PARD3: variants seen among roughly 807,000 people sequenced by gnomAD.
PARD3 encodes the protein par-3 family cell polarity regulator, also known as partitioning defective 3 homolog.
In PARD3, 75 loss-of-function variants were observed where a neutral mutation model predicts 155.4. The observed-to-expected ratio is 0.48, with a 90% CI of 0.40 to 0.58. PARD3 has a LOEUF of 0.58. Ranked by LOEUF, PARD3 falls within the 20% of genes least tolerant of loss-of-function variation. The pLI, the probability that PARD3 is intolerant of heterozygous loss-of-function variation, is 0.00. For missense variants in PARD3, 1,642 were observed against 1,721.7 expected, an observed-to-expected ratio of 0.95 and a Z score of 0.82; for synonymous variants, 576 against 610.5, an observed-to-expected ratio of 0.94 and a Z score of 0.83.
At chr10:34,467,041 C>T (rs2078051005) in intron 4 of PARD3, among the ~76,000 whole-genome samples, 1 of 151,976 alleles carries the variant, frequency 6.6e-6, no homozygotes. Context: ...CATCTGGTTA[C>T]ATTAAATACT....
At chr10:34,388,377 C>T (rs1021930275) in intron 7 of PARD3, among the ~76,000 whole-genome samples, 1 of 152,020 alleles carries the variant, frequency 6.6e-6, no homozygotes, top group Admixed American at 6.6e-5. Context: ...ACAAGAAAAT[C>T]CAACTGATAA....
At position 34,382,651 on chromosome 10, in the gene PARD3, T is replaced by G. The variant is rs907580186; in HGVS notation, c.1288A>C (p.Lys430Gln). ...RLPHSAHPSGKPPSAPASAPQ... is the reference protein window; with the variant it reads ...RLPHSAHPSGQPPSAPASAPQ... Reference sequence around the variant, plus strand: ...GCCGAGGCTGGAGCGGATGGTGGTTTTCCCGAGGGGTGTGCGCTATGAGGT... The same window carrying G: ...GCCGAGGCTGGAGCGGATGGTGGTTGTCCCGAGGGGTGTGCGCTATGAGGT... Residue 430 changes from lysine (K) to glutamine (Q), a missense_variant, in exon 9 of 25, where the codon AAA becomes CAA. Transcript: ENST00000374788. The G allele has an allele frequency of 1.2e-6, 2 of 1,614,016 alleles. No individual in the cohort carries two copies. The highest frequency in any genetic ancestry group is 1.7e-6 in the Non-Finnish European group (2 of 1,180,046).
intron 22 of PARD3, among the ~76,000 whole-genome samples, chr10:34,136,827 T>A (rs1464852358): frequency 6.6e-6 from 1 of 152,226 alleles, no homozygotes; most frequent in Non-Finnish European, 1.5e-5. Context: ...TTCCTTTCAG[T>A]TCACCTGTAA....
rs1354411921 is a variant in PARD3, at chr10:34,405,073, AACACAAACACACACACACAC to A, written c.715-3176_715-3157del. Among the ~76,000 whole-genome samples, 269 of 136,232 alleles carry A rather than the reference AACACAAACACACACACACAC, an allele frequency of 2.0e-3. 1 individual carries two copies. The highest frequency in any genetic ancestry group is 7.2e-3 in the African/African-American group (235 of 32,742). 89.4% of individuals were successfully genotyped at this position (136,232 alleles called of 152,430 possible). ...GGTGACAGAGTGAGACCCCATCACA[AACACAAACACACACACACAC>A]ACACACACACACACACACACACACT... On this transcript the variant is annotated intron_variant, in intron 5 of 24. Transcript: ENST00000374788.
intron 7 of PARD3, among the ~76,000 whole-genome samples, chr10:34,392,614 T>C (rs1171177057): frequency 6.6e-6 from 1 of 152,190 alleles, no homozygotes; most frequent in Non-Finnish European, 1.5e-5. Flanking sequence ...AGTCTTATGA[T>C]TGACAAGTAG....
At chr10:34,344,523 C>T (rs1837197726) in intron 15 of PARD3, 21 of 877,424 alleles carry the variant, frequency 2.4e-5, no homozygotes, top group Non-Finnish European at 2.5e-5. Context: ...CTCAGTTGAT[C>T]CACCTGCCTG....
At chr10:34,701,371 G>GTTA (rs1355049109) in intron 1 of PARD3, among the ~76,000 whole-genome samples, 1 of 150,170 alleles carries the variant, frequency 6.7e-6, no homozygotes, top group Non-Finnish European at 1.5e-5. Flanking sequence ...TGTTGTTGTT[G>GTTA]TTGTTTCCAA....
chr10:34,131,298 A>G (rs1268643093), intron 23 of PARD3, among the ~76,000 whole-genome samples, 165 bp downstream of exon 23: 1 of 152,234 alleles, frequency 6.6e-6, no homozygotes. Context: ...GAAATTAGCA[A>G]TGATGAAACC....
intron 22 of PARD3, among the ~76,000 whole-genome samples, chr10:34,201,203 G>A (rs1053426570): frequency 1.3e-5 from 2 of 152,130 alleles, no homozygotes; most frequent in Admixed American, 1.3e-4. Flanking sequence ...CATGTACCTT[G>A]GGGGAGCTCT....
chr10:34,322,505 C>T (rs963949756), intron 19 of PARD3, among the ~76,000 whole-genome samples: 3 of 152,156 alleles, frequency 2.0e-5, no homozygotes, highest in African/African-American at 7.2e-5. Flanking sequence ...GTTAGAGCAA[C>T]TGTGGAATAT....
At chr10:34,656,774 G>C (rs1296208497) in intron 2 of PARD3, among the ~76,000 whole-genome samples, 1 of 152,184 alleles carries the variant, frequency 6.6e-6, no homozygotes, top group Admixed American at 6.5e-5. Flanking sequence ...ATAACTCAGG[G>C]CCGCAGGAGA....
At chr10:34,397,134 T>C (rs1215847657) in intron 7 of PARD3, among the ~76,000 whole-genome samples, 2 of 152,230 alleles carry the variant, frequency 1.3e-5, no homozygotes, top group Non-Finnish European at 2.9e-5. Flanking sequence ...GAAAGGTTTC[T>C]TATGAAGTAA....
chr10:34,452,067 G>A (rs56206712), intron 4 of PARD3, among the ~76,000 whole-genome samples: 1 of 151,886 alleles, frequency 6.6e-6, no homozygotes, highest in Admixed American at 6.6e-5. Context: ...CTTATGTGTC[G>A]ACAAAGAGAA....
intron 16 of PARD3, among the ~76,000 whole-genome samples, chr10:34,340,194 A>G (rs1237954602): frequency 6.6e-6 from 1 of 152,114 alleles, no homozygotes; most frequent in Non-Finnish European, 1.5e-5. Flanking sequence ...TATCCCTTCT[A>G]CTTATTTATC....
At chr10:34,530,250 T>A (rs1054396127) in intron 2 of PARD3, among the ~76,000 whole-genome samples, 1 of 152,170 alleles carries the variant, frequency 6.6e-6, no homozygotes, top group Non-Finnish European at 1.5e-5. Context: ...TTCTGTTTTT[T>A]TTCTCTAAAA....
intron 3 of PARD3, among the ~76,000 whole-genome samples, chr10:34,506,146 G>A (rs1201513806): frequency 6.6e-6 from 1 of 151,914 alleles, no homozygotes; most frequent in African/African-American, 2.4e-5. Context: ...AAAGAGAAAA[G>A]AAAAAAGAAA....
At chr10:34,798,354 A>G (rs938642888) in intron 1 of PARD3, among the ~76,000 whole-genome samples, 1 of 151,478 alleles carries the variant, frequency 6.6e-6, no homozygotes, top group Non-Finnish European at 1.5e-5. Context: ...GGAGAAGGAG[A>G]AGGAGAAAGG....
At chr10:34,536,928 G>A (rs763756510) in intron 2 of PARD3, among the ~76,000 whole-genome samples, 2 of 152,164 alleles carry the variant, frequency 1.3e-5, no homozygotes, top group Non-Finnish European at 2.9e-5. Context: ...GTAACTGAGC[G>A]AAAGAAAAAT....
chr10:34,634,108 A>T (rs558325839), intron 2 of PARD3, among the ~76,000 whole-genome samples: 25 of 152,206 alleles, frequency 1.6e-4, no homozygotes, highest in African/African-American at 6.0e-4. Context: ...AGAAGATGAA[A>T]CTCCTTCCTA....
Sources: gnomAD v4.1 joint callset for allele counts (sites outside exome capture counted in the v4.1 genomes callset) on GRCh38, gnomAD v4.1.1 for gene constraint, MANE v1.5 for transcripts, NCBI Gene and HGNC (gene_info 2026-07-23, HGNC 2026-07-21) for gene names.